The following CSMD3 variants were observed in gnomAD, a reference collection of about 807,000 sequenced individuals.
CSMD3 encodes CUB and Sushi multiple domains 3, also known as CUB and sushi domain-containing protein 3.
CSMD3 carries 177 observed loss-of-function variants against 435.2 expected under a neutral mutation model. That is an observed-to-expected ratio of 0.41 (90% CI 0.36 to 0.46). The LOEUF (loss-of-function observed/expected upper bound fraction) is 0.46, where lower values mean the gene tolerates loss of function less well. CSMD3 is among the 20% of genes least tolerant of loss of function. CSMD3 has a pLI of 0.34. For synonymous variants in CSMD3, 1,656 were observed against 1,520.5 expected (o/e 1.09, Z -2.07); for missense variants, 4,265 against 4,504.6 (o/e 0.95, Z 1.52).
intron 4 of CSMD3, among the ~76,000 whole-genome samples, chr8:113,155,581 T>C (rs1347663297): frequency 6.6e-6 from 1 of 151,982 alleles, no homozygotes; most frequent in East Asian, 1.9e-4. Context: ...GTAAAGATCA[T>C]AGAACAAAAG....
chr8:113,171,358 A>G (rs375755859), intron 4 of CSMD3, among the ~76,000 whole-genome samples: 17 of 152,232 alleles, frequency 1.1e-4, no homozygotes, highest in African/African-American at 4.1e-4. Flanking sequence ...ATTCAGAATA[A>G]GGCCTTTCTG....
intron 13 of CSMD3, among the ~76,000 whole-genome samples, chr8:112,778,826 A>G (rs2078308663): frequency 1.3e-5 from 2 of 151,966 alleles, no homozygotes; most frequent in African/African-American, 2.4e-5. Context: ...CTATTGCTCC[A>G]CATCATCACC....
chr8:112,545,577 C>T (rs1827117869), intron 27 of CSMD3, among the ~76,000 whole-genome samples: 1 of 150,348 alleles, frequency 6.7e-6, no homozygotes, highest in South Asian at 2.1e-4. Context: ...CTGTTCATAT[C>T]TAAGAATGCT....
At chr8:112,249,048 G>A (rs1418261332) in intron 63 of CSMD3, among the ~76,000 whole-genome samples, 1 of 152,006 alleles carries the variant, frequency 6.6e-6, no homozygotes, top group Non-Finnish European at 1.5e-5. Context: ...TTCAGTATGG[G>A]CTAGATTATG....
chr8:113,011,159 A>G (rs1470028382), intron 6 of CSMD3, among the ~76,000 whole-genome samples: 2 of 151,808 alleles, frequency 1.3e-5, no homozygotes, highest in Admixed American at 1.3e-4. Context: ...CAGCTAAAAA[A>G]GATAAAGGAA....
chr8:113,434,828 G>C (rs568833687), intron 1 of CSMD3, among the ~76,000 whole-genome samples: 1 of 152,318 alleles, frequency 6.6e-6, no homozygotes, highest in East Asian at 1.9e-4. Flanking sequence ...AGGCGGCGCG[G>C]ATCAGCGTTA....
At chr8:112,233,834 A>G (rs957636381) in intron 68 of CSMD3, among the ~76,000 whole-genome samples, 1 of 152,172 alleles carries the variant, frequency 6.6e-6, no homozygotes, top group Non-Finnish European at 1.5e-5. Flanking sequence ...TACAGTAACT[A>G]TCTCCCCATA....
chr8:113,091,775 T>G (rs1229771929), intron 5 of CSMD3, among the ~76,000 whole-genome samples: 1 of 152,034 alleles, frequency 6.6e-6, no homozygotes, highest in Admixed American at 6.6e-5. Context: ...TTTATTTCTA[T>G]TTCATTTATT....
chr8:112,787,337 G>A (rs2078571257), intron 13 of CSMD3, among the ~76,000 whole-genome samples: 1 of 152,058 alleles, frequency 6.6e-6, no homozygotes, highest in Non-Finnish European at 1.5e-5. Flanking sequence ...GGTGAATTCT[G>A]GCAAGGATGT....
chr8:112,272,202 T>C (rs1051897591), intron 59 of CSMD3, among the ~76,000 whole-genome samples: 3 of 152,168 alleles, frequency 2.0e-5, no homozygotes, highest in African/African-American at 7.2e-5. Flanking sequence ...TTTAACCCTG[T>C]CTCAGGAATT....
At chr8:113,234,428 T>A (rs1051677413) in intron 3 of CSMD3, among the ~76,000 whole-genome samples, 1 of 152,100 alleles carries the variant, frequency 6.6e-6, no homozygotes, top group Admixed American at 6.6e-5. Context: ...TGAACAAAAT[T>A]CCTTAAACGT....
chr8:112,655,954 T>A (rs2075246652), intron 18 of CSMD3, among the ~76,000 whole-genome samples, 200 bp downstream of exon 18: 1 of 152,084 alleles, frequency 6.6e-6, no homozygotes, highest in Admixed American at 6.5e-5. Flanking sequence ...TGTTTCATAA[T>A]GATATTAGAT....
intron 4 of CSMD3, among the ~76,000 whole-genome samples, chr8:113,115,556 G>T (rs1038955745): frequency 2.6e-5 from 4 of 152,132 alleles, no homozygotes; most frequent in African/African-American, 9.7e-5. Flanking sequence ...CTGAAAGTAT[G>T]TCCTCTTGAG....
At chr8:112,576,883 T>TA (rs33983420) in intron 23 of CSMD3, among the ~76,000 whole-genome samples, 60,509 of 150,604 alleles carry the variant, frequency 0.4, 13,101 homozygotes, top group East Asian at 0.58. Flanking sequence ...TAAGACACAT[T>TA]AAAAAAATAA....
chr8:112,653,550 G>A (rs1053549383), intron 18 of CSMD3, among the ~76,000 whole-genome samples: 7 of 151,520 alleles, frequency 4.6e-5, no homozygotes, highest in African/African-American at 1.5e-4. Flanking sequence ...ATAAACAGAC[G>A]TGATTTTTTC....
At chr8:112,401,087 T>C (rs1157400605) in intron 35 of CSMD3, among the ~76,000 whole-genome samples, 1 of 152,026 alleles carries the variant, frequency 6.6e-6, no homozygotes, top group African/African-American at 2.4e-5. Flanking sequence ...TGCATGCCTG[T>C]AATCCTAGCT....
intron 5 of CSMD3, among the ~76,000 whole-genome samples, chr8:113,085,942 A>G (rs2089751532): frequency 6.6e-6 from 1 of 152,174 alleles, no homozygotes; most frequent in Non-Finnish European, 1.5e-5. Flanking sequence ...TGTTCCCAAT[A>G]AAAAGAGCCA....
intron 24 of CSMD3, among the ~76,000 whole-genome samples, chr8:112,559,352 T>C (rs1828408541): frequency 6.6e-6 from 1 of 151,848 alleles, no homozygotes; most frequent in African/African-American, 2.4e-5. Flanking sequence ...ATCCTTTCCA[T>C]CCAATCTCCA....
At chr8:112,735,206 G>C (rs1015592395) in intron 13 of CSMD3, among the ~76,000 whole-genome samples, 1 of 151,962 alleles carries the variant, frequency 6.6e-6, no homozygotes. Flanking sequence ...TGTATATAGC[G>C]AAGTATGAGC....
Sources: allele counts gnomAD v4.1 joint callset (sites outside exome capture counted in the v4.1 genomes callset), GRCh38; gene constraint gnomAD v4.1.1; transcripts MANE v1.5; gene names NCBI Gene and HGNC (gene_info 2026-07-23, HGNC 2026-07-21).